Variants in GALNTL5 observed in about 807,000 individuals in gnomAD.
GALNTL5 encodes inactive polypeptide N-acetylgalactosaminyltransferase-like protein 5.
In GALNTL5, 44 loss-of-function variants were observed where a neutral mutation model predicts 51.0. The observed-to-expected ratio is 0.86, with a 90% confidence interval of 0.68 to 1.11. The LOEUF is 1.11. Ranked by LOEUF, GALNTL5 falls within the 50% of genes least tolerant of loss-of-function variation. The pLI is 0.00. For missense variants in GALNTL5, 528 were observed against 531.8 expected (o/e 0.99, Z 0.07); for synonymous variants, 192 against 182.8 (o/e 1.05, Z -0.41).
chr7:151,984,782 A>AGGGT (rs2081339865), intron 4 of GALNTL5, among the ~76,000 whole-genome samples: 1 of 152,172 alleles, frequency 6.6e-6, no homozygotes, highest in African/African-American at 2.4e-5. Flanking sequence ...AGCAGGGGAC[A>AGGGT]GGGTGGGATA....
Position 151,986,820 on chromosome 7 carries a change from C to T in GALNTL5, c.536-339C>T, listed in dbSNP as rs147028481. ...TCGGCTCACTGCAACCTCTGCCTCC[C>T]GGGTTCAAGCGATTCTTTTGCCTCA... is the stretch of plus-strand genomic sequence containing the variant. On this transcript the variant is annotated intron_variant, in intron 4 of 8. Transcript: ENST00000392800. 1.5e-3 allele frequency among the ~76,000 whole-genome samples: 224 copies of T among 151,348 alleles called. 3 individuals carry two copies. In the East Asian group the frequency reaches 0.024, roughly 16 times the overall value.
In GALNTL5 at chr7:151,980,777, G is replaced by A. The variant is rs553937385; in HGVS notation, c.369-2209G>A. On this transcript the variant is annotated intron_variant, in intron 3 of 8. Coordinates refer to ENST00000392800, the MANE Select transcript of GALNTL5 (RefSeq NM_145292.4). ...TTTTTTTTTTTTGAGATGGAGTCTCGCTCTGTCGCCCAGGCTGGAGTGCAG... is the reference window on the plus strand; with the variant it reads ...TTTTTTTTTTTTGAGATGGAGTCTCACTCTGTCGCCCAGGCTGGAGTGCAG... Among the ~76,000 whole-genome samples, 338 of 108,394 alleles carry A rather than the reference G, an allele frequency of 3.1e-3. 3 individuals carry two copies. The highest frequency in any genetic ancestry group is 4.6e-3 in the Admixed American group (37 of 8,058). 71.1% of individuals were successfully genotyped at this position (108,394 alleles called of 152,430 possible).
At chr7:151,958,108 T>A (rs1188374527) in intron 1 of GALNTL5, among the ~76,000 whole-genome samples, 2 of 152,218 alleles carry the variant, frequency 1.3e-5, no homozygotes, top group Non-Finnish European at 2.9e-5. Context: ...TCAGTAATAA[T>A]CCTATTGAGA....
intron 6 of GALNTL5, among the ~76,000 whole-genome samples, chr7:152,005,166 T>C (rs1183291027): frequency 6.6e-6 from 1 of 152,182 alleles, no homozygotes; most frequent in African/African-American, 2.4e-5. Flanking sequence ...AAGATACATT[T>C]TTCCCTTAGT....
intron 7 of GALNTL5, among the ~76,000 whole-genome samples, chr7:152,010,065 T>C (rs1396052298): frequency 6.6e-6 from 1 of 152,056 alleles, no homozygotes; most frequent in Non-Finnish European, 1.5e-5. Context: ...CTGTTATGTA[T>C]GAAGCACTGT....
At position 152,010,919 on chromosome 7, in the gene GALNTL5, T is replaced by C. The variant is rs752108958; in HGVS notation, c.1026+2975T>C. Among the ~76,000 whole-genome samples, 6 of 152,298 alleles carry C rather than the reference T, an allele frequency of 3.9e-5. 1 individual carries two copies. The South Asian group carries it at 8.3e-4, about 21-fold the overall frequency. On this transcript the variant is annotated intron_variant, in intron 7 of 8. Transcript: ENST00000392800. ...TGACATTTAAGATACATGTAAAGGA[T>C]AAAATATATTTTATTTAACAAGTTC...
At chr7:151,999,964 A>G (rs887002546) in intron 5 of GALNTL5, among the ~76,000 whole-genome samples, 3 of 152,228 alleles carry the variant, frequency 2.0e-5, no homozygotes, top group African/African-American at 7.2e-5. Context: ...TCATGTTGTT[A>G]GAGATTAAAG....
intron 2 of GALNTL5, among the ~76,000 whole-genome samples, chr7:151,968,097 A>T (rs899475032): frequency 3.9e-4 from 59 of 152,162 alleles, no homozygotes; most frequent in Admixed American, 2.6e-4. Context: ...GGAGTTCAAG[A>T]CCTGCCTGGG....
chr7:151,990,664 G>C (rs10228563), intron 5 of GALNTL5, among the ~76,000 whole-genome samples: 81,919 of 150,304 alleles, frequency 0.55, 23,783 homozygotes, highest in Middle Eastern at 0.7. Context: ...ATAGCCTTGT[G>C]ACTAAGTTTT....
At chr7:152,010,305 G>T (rs1586853044) in intron 7 of GALNTL5, among the ~76,000 whole-genome samples, 1 of 151,956 alleles carries the variant, frequency 6.6e-6, no homozygotes. Flanking sequence ...TAGAGATGGG[G>T]TTTCACCATG....
intron 5 of GALNTL5, among the ~76,000 whole-genome samples, chr7:151,990,296 G>A (rs547445009): frequency 7.2e-5 from 11 of 151,936 alleles, no homozygotes; most frequent in Admixed American, 5.9e-4. Flanking sequence ...TACCTGCCTC[G>A]GCCTCCTGAA....
intron 2 of GALNTL5, among the ~76,000 whole-genome samples, chr7:151,967,793 G>A (rs954838171): frequency 6.6e-6 from 1 of 151,992 alleles, no homozygotes; most frequent in Admixed American, 6.6e-5. Context: ...CCGTCCCCAC[G>A]CCACCCTCAG....
chr7:151,980,512 T>A (rs2151945367), intron 3 of GALNTL5, among the ~76,000 whole-genome samples: 1 of 152,274 alleles, frequency 6.6e-6, no homozygotes, highest in Middle Eastern at 3.4e-3. Context: ...CCTCGGACTC[T>A]CCATTCCCTT....
At chr7:152,007,703 C>T in intron 6 of GALNTL5, 124 bp from the exon 7 acceptor site, 1 of 694,506 alleles carries the variant, frequency 1.4e-6, no homozygotes, top group Non-Finnish European at 2.6e-6. Flanking sequence ...CAGGCATGAG[C>T]CTCCACACCC....
intron 2 of GALNTL5, among the ~76,000 whole-genome samples, chr7:151,968,367 G>A (rs765753062): frequency 1.1e-4 from 17 of 152,148 alleles, no homozygotes; most frequent in Non-Finnish European, 2.1e-4. Context: ...AAAGAAAGAT[G>A]AAGAAAATAA....
At chr7:151,976,708 G>T (rs571619082) in intron 3 of GALNTL5, among the ~76,000 whole-genome samples, 2 of 152,034 alleles carry the variant, frequency 1.3e-5, no homozygotes, top group Admixed American at 6.6e-5. Flanking sequence ...TCGCTCTGTC[G>T]CCTGGGCTGG....
intron 7 of GALNTL5, among the ~76,000 whole-genome samples, 174 bp from the exon 8 acceptor site, chr7:152,014,470 G>T (rs1012943446): frequency 6.6e-6 from 1 of 152,068 alleles, no homozygotes; most frequent in Admixed American, 6.6e-5. Context: ...GTTTCACCAC[G>T]TTGGCCAGGC....
At position 152,001,103 on chromosome 7, in the gene GALNTL5, G is replaced by T. The variant is rs2081573112; in HGVS notation, c.659-1611G>T. Among the ~76,000 whole-genome samples, 3 of 151,090 alleles carry T rather than the reference G, an allele frequency of 2.0e-5. No homozygotes were observed. In the South Asian group the frequency reaches 6.3e-4, roughly 32 times the overall value. On this transcript the variant is annotated intron_variant, in intron 5 of 8. Transcript: ENST00000392800. ...TTTTTTTGTATTTTTAATAGAGACG[G>T]GGTTTCGCTATGTTGGCCAGGCTGG...
chr7:151,965,357 T>C lies in GALNTL5; in HGVS notation c.-39-1851T>C, dbSNP rs192790100. 3.9e-5 allele frequency among the ~76,000 whole-genome samples: 6 copies of C among 152,356 alleles called. No individual in the cohort carries two copies. In the East Asian group the frequency reaches 1.2e-3, roughly 29 times the overall value. On this transcript the variant is annotated intron_variant, in intron 1 of 8. Transcript: ENST00000392800. ...CCCATGAGAGTTTTTAGCTTTATTC[T>C]TATTCAGTTGAGTCAAGAGGGAGAG...
Sources: gnomAD v4.1 joint callset for allele counts (sites outside exome capture counted in the v4.1 genomes callset) on GRCh38, gnomAD v4.1.1 for gene constraint, MANE v1.5 for transcripts, NCBI Gene and HGNC (gene_info 2026-07-23, HGNC 2026-07-21) for gene names.